The following RAB1A variants were observed in gnomAD, a reference collection of about 807,000 sequenced individuals.
RAB1A encodes RAB1A, member RAS oncogene family.
In RAB1A, 2 loss-of-function variants were observed where a neutral mutation model predicts 26.0. The observed-to-expected ratio is 0.08, with a 90% confidence interval of 0.03 to 0.24. The LOEUF (loss-of-function observed/expected upper bound fraction) is 0.24. Among genes scored for constraint, RAB1A ranks in the 10% least tolerant of loss-of-function variants. The probability of loss-of-function intolerance (pLI) is 1.00; values close to 1 mark genes in which losing one functional copy is unlikely to be tolerated. For synonymous variants in RAB1A, 84 were observed against 84.9 expected (o/e 0.99, Z 0.06); for missense variants, 100 against 247.0 (o/e 0.40, Z 3.99).
intron 1 of RAB1A, among the ~76,000 whole-genome samples, chr2:65,114,571 C>T (rs1452909328): frequency 2.6e-5 from 4 of 152,140 alleles, no homozygotes; most frequent in Non-Finnish European, 5.9e-5. Context: ...GGGCCGGGCG[C>T]GGTGGCTCAC....
chr2:65,115,647 C>G (rs1316896318), intron 1 of RAB1A, among the ~76,000 whole-genome samples: 1 of 151,980 alleles, frequency 6.6e-6, no homozygotes, highest in African/African-American at 2.4e-5. Context: ...ATCAATGTGA[C>G]CAATTACCAG....
intron 1 of RAB1A, among the ~76,000 whole-genome samples, chr2:65,129,395 C>T (rs1350435491): frequency 6.6e-6 from 1 of 152,014 alleles, no homozygotes; most frequent in Non-Finnish European, 1.5e-5. Flanking sequence ...TGAAACCTGG[C>T]GGGGAGGATG....
chr2:65,113,497 G>T (rs1669751956), intron 1 of RAB1A, among the ~76,000 whole-genome samples: 9 of 152,058 alleles, frequency 5.9e-5, no homozygotes, highest in Admixed American at 5.9e-4. Context: ...GGCAACAAGA[G>T]TGAGACCCCC....
chr2:65,116,395 T>A (rs1305724221), intron 1 of RAB1A, among the ~76,000 whole-genome samples: 3 of 152,110 alleles, frequency 2.0e-5, no homozygotes, highest in Non-Finnish European at 2.9e-5. Context: ...GTACTTGAAT[T>A]GAGGCTCTAC....
intron 3 of RAB1A, among the ~76,000 whole-genome samples, chr2:65,096,624 A>G (rs1669292580): frequency 6.6e-6 from 1 of 152,252 alleles, no homozygotes; most frequent in African/African-American, 2.4e-5. Context: ...ATCGTGGGAA[A>G]AAATATGGAG....
intron 1 of RAB1A, among the ~76,000 whole-genome samples, chr2:65,105,602 A>G (rs565906647): frequency 6.6e-6 from 1 of 151,194 alleles, no homozygotes; most frequent in East Asian, 1.9e-4. Flanking sequence ...ATCCTTCTCT[A>G]GCATCCAGCT....
At chr2:65,114,814 C>T (rs1002900476) in intron 1 of RAB1A, among the ~76,000 whole-genome samples, 1 of 150,902 alleles carries the variant, frequency 6.6e-6, no homozygotes, top group Non-Finnish European at 1.5e-5. Flanking sequence ...CACTGCAGTC[C>T]GCAGTCCGGC....
intron 2 of RAB1A, among the ~76,000 whole-genome samples, chr2:65,101,741 C>CTT (rs1558579506): frequency 8.5e-5 from 11 of 129,956 alleles, no homozygotes; most frequent in Admixed American, 1.5e-4. Flanking sequence ...TGTATTACTT[C>CTT]CTTTTTTTTT....
At chr2:65,114,838 C>A (rs1258991166) in intron 1 of RAB1A, among the ~76,000 whole-genome samples, 1 of 141,226 alleles carries the variant, frequency 7.1e-6, no homozygotes, top group East Asian at 2.1e-4. Flanking sequence ...GGCAACAGAG[C>A]GAGACTCCGT....
intron 1 of RAB1A, among the ~76,000 whole-genome samples, chr2:65,120,143 C>T (rs1457530544): frequency 1.3e-5 from 2 of 151,958 alleles, no homozygotes; most frequent in Non-Finnish European, 2.9e-5. Context: ...TTAAGACTAA[C>T]ATCTTAAACT....
intron 1 of RAB1A, among the ~76,000 whole-genome samples, chr2:65,122,155 CAAAAAAAA>C (rs57590844): frequency 4.7e-4 from 15 of 31,726 alleles, no homozygotes; most frequent in African/African-American, 1.1e-3. Flanking sequence ...GACTCTATCT[CAAAAAAAA>C]AAAAAAAAAA....
intron 3 of RAB1A, among the ~76,000 whole-genome samples, chr2:65,092,586 G>C (rs963466935): frequency 1.3e-5 from 2 of 152,072 alleles, no homozygotes; most frequent in Admixed American, 6.5e-5. Context: ...ATTGTTTTTT[G>C]ACTAAAAGTC....
intron 3 of RAB1A, among the ~76,000 whole-genome samples, chr2:65,097,668 C>A (rs1373544109): frequency 6.6e-6 from 1 of 152,144 alleles, no homozygotes; most frequent in Non-Finnish European, 1.5e-5. Flanking sequence ...ATAACATTTG[C>A]AGTGTAGGAC....
At chr2:65,103,560 T>C (rs1182729837) in intron 2 of RAB1A, among the ~76,000 whole-genome samples, 4 of 152,108 alleles carry the variant, frequency 2.6e-5, no homozygotes, top group Admixed American at 2.6e-4. Flanking sequence ...CCACATGCTT[T>C]TGTACCAGAG....
At chr2:65,115,238 G>A (rs912248326) in intron 1 of RAB1A, among the ~76,000 whole-genome samples, 2 of 152,148 alleles carry the variant, frequency 1.3e-5, no homozygotes, top group African/African-American at 4.8e-5. Flanking sequence ...TGTCTTATTT[G>A]AAAATAGCAT....
At chr2:65,125,101 G>A (rs543531466) in intron 1 of RAB1A, among the ~76,000 whole-genome samples, 1 of 149,804 alleles carries the variant, frequency 6.7e-6, no homozygotes, top group Non-Finnish European at 1.5e-5. Flanking sequence ...TGAAAGAAGA[G>A]CAAAGTCTGA....
At chr2:65,122,884 T>C (rs747851947) in intron 1 of RAB1A, among the ~76,000 whole-genome samples, 9 of 141,180 alleles carry the variant, frequency 6.4e-5, no homozygotes, top group Admixed American at 2.4e-4. Context: ...GGCAGGAGAA[T>C]GGTGTGAGCC....
chr2:65,128,887 A>G (rs1270246292), intron 1 of RAB1A, among the ~76,000 whole-genome samples: 2 of 152,222 alleles, frequency 1.3e-5, no homozygotes, highest in Non-Finnish European at 2.9e-5. Flanking sequence ...ACTCTACCCA[A>G]GGGAAGTGAA....
rs372370495 is a variant in RAB1A, at chr2:65,129,457, C to T, written c.23+436G>A. 1.4e-4 allele frequency among the ~76,000 whole-genome samples: 21 copies of T among 152,270 alleles called. No homozygotes were observed. The East Asian group carries it at 2.7e-3, about 20-fold the overall frequency. On this transcript the variant is annotated intron_variant, in intron 1 of 5. Transcript: ENST00000409784. ...GATTTACAAGTAAAGCTGGTTTCTA[C>T]CCCGAAGATCCTGACAGCTCCGCAG...
Sources: gnomAD v4.1 joint callset for allele counts (sites outside exome capture counted in the v4.1 genomes callset) on GRCh38, gnomAD v4.1.1 for gene constraint, MANE v1.5 for transcripts, NCBI Gene and HGNC (gene_info 2026-07-23, HGNC 2026-07-21) for gene names.